The following CNTNAP4 variants were observed in gnomAD, a reference collection of about 807,000 sequenced individuals.
CNTNAP4 encodes the protein contactin associated protein family member 4, also known as contactin-associated protein-like 4.
Under a neutral mutation model 148.4 loss-of-function variants are expected in CNTNAP4, and 98 were observed. The ratio of observed to expected loss-of-function variants is 0.66; its 90% CI spans 0.56 to 0.78. The LOEUF (loss-of-function observed/expected upper bound fraction) is 0.78. Ranked by LOEUF, CNTNAP4 falls within the 30% of genes least tolerant of loss-of-function variation. CNTNAP4 has a pLI of 0.00. For missense variants in CNTNAP4, 1,935 were observed against 1,565.6 expected (o/e 1.24, Z -3.98); for synonymous variants, 730 against 565.1 (o/e 1.29, Z -4.14).
chr16:76,467,530 G>T lies in CNTNAP4; in HGVS notation c.1655+7G>T, dbSNP rs760168511. ...CATGTGGCATCTCAGACAGGTAAGG[G>T]CAATCTCACTTCATTTTGACCTGCT... On this transcript the variant is annotated splice_region_variant and intron_variant, in intron 10 of 23. Coordinates refer to ENST00000611870, the MANE Select transcript of CNTNAP4 (RefSeq NM_033401.5). The T allele has an allele frequency of 6.3e-7, 1 of 1,582,234 alleles. No homozygotes were observed. The highest frequency in any genetic ancestry group is 1.2e-5 in the South Asian group (1 of 86,416).
chr16:76,406,905 G>T (rs1335174646), intron 3 of CNTNAP4, among the ~76,000 whole-genome samples: 4 of 152,200 alleles, frequency 2.6e-5, no homozygotes, highest in African/African-American at 9.6e-5. Flanking sequence ...GCTGCAGTAA[G>T]TTATCCAGAA....
intron 3 of CNTNAP4, among the ~76,000 whole-genome samples, chr16:76,398,629 CAT>C (rs1268978047): frequency 2.6e-5 from 4 of 152,212 alleles, no homozygotes; most frequent in African/African-American, 7.2e-5. Flanking sequence ...TACTACATAA[CAT>C]GAGGGGTGCC....
chr16:76,399,984 A>C, intron 3 of CNTNAP4, among the ~76,000 whole-genome samples: 1 of 152,192 alleles, frequency 6.6e-6, no homozygotes, highest in African/African-American at 2.4e-5. Context: ...AAAATGTAAA[A>C]GATTAATTAT....
At chr16:76,539,648 T>A in intron 19 of CNTNAP4, 71 bp from the exon 20 acceptor site, 4 of 1,267,106 alleles carry the variant, frequency 3.2e-6, no homozygotes, top group Non-Finnish European at 3.3e-6. Context: ...AAAAAATCAC[T>A]CTGATTTTTA....
At chr16:76,300,103 C>A (rs113828803) in intron 1 of CNTNAP4, among the ~76,000 whole-genome samples, 1 of 152,046 alleles carries the variant, frequency 6.6e-6, no homozygotes, top group Non-Finnish European at 1.5e-5. Context: ...ATGTAACAAA[C>A]CTGCACGTTG....
chr16:76,358,472 T>A lies in CNTNAP4; in HGVS notation c.390+2961T>A, dbSNP rs149525030. Among the ~76,000 whole-genome samples, 3 of 152,320 alleles carry A rather than the reference T, an allele frequency of 2.0e-5. No individual in the cohort carries two copies. The East Asian group carries it at 5.8e-4, about 29-fold the overall frequency. ...TTTGGAAATGGACAGAATATGGAGA[T>A]CATTGTAAGCTGAATTTGTCAAAGT... On this transcript the variant is annotated intron_variant, in intron 3 of 23. Transcript: ENST00000611870.
intron 23 of CNTNAP4, among the ~76,000 whole-genome samples, chr16:76,555,946 T>C (rs548194774): frequency 2.4e-4 from 36 of 152,292 alleles, no homozygotes; most frequent in African/African-American, 7.7e-4. Context: ...ACACACAATT[T>C]ATTTGCTAAA....
intron 12 of CNTNAP4, among the ~76,000 whole-genome samples, chr16:76,484,129 G>A (rs1033600747): frequency 6.6e-6 from 1 of 151,352 alleles, no homozygotes; most frequent in Non-Finnish European, 1.5e-5. Context: ...GGAAAAAATT[G>A]TAGTTAAGAC....
chr16:76,469,293 T>G (rs1321759407), intron 10 of CNTNAP4, among the ~76,000 whole-genome samples: 1 of 152,186 alleles, frequency 6.6e-6, no homozygotes, highest in Non-Finnish European at 1.5e-5. Flanking sequence ...TGGCTAGATT[T>G]GGGGATTGAA....
intron 3 of CNTNAP4, among the ~76,000 whole-genome samples, chr16:76,376,349 AG>A (rs1427515597): frequency 6.6e-6 from 1 of 152,184 alleles, no homozygotes; most frequent in African/African-American, 2.4e-5. Flanking sequence ...CCCAAGAGAA[AG>A]GGAAAGGACT....
chr16:76,366,741 C>T (rs2014181086), intron 3 of CNTNAP4, among the ~76,000 whole-genome samples: 1 of 151,042 alleles, frequency 6.6e-6, no homozygotes, highest in African/African-American at 2.4e-5. Context: ...AGACTCCCAC[C>T]AACAGTGTAT....
intron 3 of CNTNAP4, among the ~76,000 whole-genome samples, chr16:76,391,493 G>A (rs1458152883): frequency 6.6e-6 from 1 of 152,078 alleles, no homozygotes; most frequent in Non-Finnish European, 1.5e-5. Context: ...TTTGTGCTTG[G>A]CCTAGTAAAT....
Position 76,548,303 on chromosome 16 carries a change from T to A in CNTNAP4, c.3443-4980T>A, listed in dbSNP as rs1030880686. On this transcript the variant is annotated intron_variant, in intron 21 of 23. Transcript: ENST00000611870. Reference sequence around the variant, plus strand: ...CTCTTGATTCACTGCACCTTTTTTTTTTTTTTTTTTTTTTTTGGCAAGCCT... The same window carrying A: ...CTCTTGATTCACTGCACCTTTTTTTATTTTTTTTTTTTTTTTGGCAAGCCT... Among the ~76,000 whole-genome samples the A allele has an allele frequency of 7.1e-4, 105 of 148,694 alleles. 1 individual carries two copies. The highest frequency in any genetic ancestry group is 2.4e-3 in the African/African-American group (96 of 40,156).
At chr16:76,444,228 C>G (rs560287924) in intron 4 of CNTNAP4, among the ~76,000 whole-genome samples, 1 of 152,086 alleles carries the variant, frequency 6.6e-6, no homozygotes, top group African/African-American at 2.4e-5. Flanking sequence ...CAGACAGAAG[C>G]AATTTGCATC....
At chr16:76,504,556 G>A (rs970688818) in intron 15 of CNTNAP4, among the ~76,000 whole-genome samples, 3 of 151,946 alleles carry the variant, frequency 2.0e-5, no homozygotes, top group Non-Finnish European at 4.4e-5. Flanking sequence ...CCTTGGGTTG[G>A]GCATAGATTT....
intron 3 of CNTNAP4, among the ~76,000 whole-genome samples, chr16:76,404,669 G>T (rs7206342): frequency 0.34 from 51,857 of 151,858 alleles, 9,408 homozygotes; most frequent in Middle Eastern, 0.47. Flanking sequence ...AAACAACTTT[G>T]TGAGCATGCA....
chr16:76,342,984 G>A (rs779109881), intron 2 of CNTNAP4, among the ~76,000 whole-genome samples: 12 of 152,076 alleles, frequency 7.9e-5, no homozygotes, highest in Admixed American at 6.6e-4. Flanking sequence ...CTGGGATGCC[G>A]TGTTTCAGCT....
At chr16:76,557,404 T>C (rs565039507) in intron 23 of CNTNAP4, 2 of 152,314 alleles carry the variant, frequency 1.3e-5, no homozygotes, top group Admixed American at 6.5e-5. Flanking sequence ...ACTCAAAGGT[T>C]CACGTAAGTG....
intron 15 of CNTNAP4, among the ~76,000 whole-genome samples, chr16:76,515,975 G>A (rs1166593761): frequency 1.3e-5 from 2 of 152,138 alleles, no homozygotes; most frequent in East Asian, 1.9e-4. Context: ...TGCAGAATGT[G>A]CAGATTTGTC....
Sources: allele counts gnomAD v4.1 joint callset (sites outside exome capture counted in the v4.1 genomes callset), GRCh38; gene constraint gnomAD v4.1.1; transcripts MANE v1.5; gene names NCBI Gene and HGNC (gene_info 2026-07-23, HGNC 2026-07-21).